Variants in NRBP1 observed in about 807,000 individuals in gnomAD.
NRBP1 encodes nuclear receptor binding protein 1, also known as nuclear receptor-binding protein.
NRBP1 carries 10 observed loss-of-function variants against 76.0 expected under a neutral mutation model. That is an observed-to-expected ratio of 0.13 (90% confidence interval 0.08 to 0.22). NRBP1 has a LOEUF of 0.22. Ranked by LOEUF, NRBP1 falls within the 10% of genes least tolerant of loss-of-function variation. The pLI, the probability that NRBP1 is intolerant of heterozygous loss-of-function variation, is 1.00. For synonymous variants in NRBP1, 235 were observed against 240.2 expected, an observed-to-expected ratio of 0.98 and a Z score of 0.20; for missense variants, 344 against 646.0, an observed-to-expected ratio of 0.53 and a Z score of 5.07.
In NRBP1 at chr2:27,434,578, A is replaced by G; in HGVS notation, c.525+18A>G. On this transcript the variant is annotated intron_variant, in intron 5 of 17. Coordinates refer to ENST00000379852, the MANE Select transcript of NRBP1 (RefSeq NM_013392.4). ...ATGAAAAGGTATAGAAGGAGAGCAGACAAAGTTTGAGGCTGGTTTTTGGGG... is the reference window on the plus strand; with the variant it reads ...ATGAAAAGGTATAGAAGGAGAGCAGGCAAAGTTTGAGGCTGGTTTTTGGGG... 1.2e-6 allele frequency: 2 copies of G among 1,610,768 alleles called. No individual in the cohort carries two copies. Among genetic ancestry groups the G allele is most frequent in the East Asian group, 2.2e-5 (1 of 44,850 alleles).
intron 2 of NRBP1, 66 bp from the exon 3 acceptor site, chr2:27,433,607 A>G (rs915657067): frequency 2.1e-5 from 33 of 1,608,738 alleles, no homozygotes; most frequent in African/African-American, 1.3e-5. Flanking sequence ...AGATGATCAT[A>G]TGGAGTGTTA....
Position 27,441,196 on chromosome 2 carries a change from A to C in NRBP1, c.1383+16A>C. The C allele has an allele frequency of 6.2e-7, 1 of 1,614,034 alleles. No homozygotes were observed. Among genetic ancestry groups the C allele is most frequent in the Non-Finnish European group, 8.5e-7 (1 of 1,179,948 alleles). On this transcript the variant is annotated intron_variant, in intron 15 of 17. Coordinates refer to ENST00000379852, the MANE Select transcript of NRBP1 (RefSeq NM_013392.4). ...CAAACACCACGTAAGGCTCAGGGCT[A>C]GGGTTGCGCAGGGCTAGTAGCCAGA...
intron 14 of NRBP1, 93 bp from the exon 15 acceptor site, chr2:27,441,034 C>T: frequency 2.5e-6 from 4 of 1,607,440 alleles, no homozygotes; most frequent in Non-Finnish European, 3.4e-6. Flanking sequence ...AGAAAATGCT[C>T]CCTAGCAGCC....
chr2:27,428,602 G>A, upstream of NRBP1: 1 of 397,690 alleles, frequency 2.5e-6, no homozygotes, highest in Non-Finnish European at 4.4e-6. Flanking sequence ...TCGTTGGTCC[G>A]GGCGCCGCGA....
chr2:27,436,990 C>T, intron 8 of NRBP1, 57 bp from the exon 9 acceptor site: 3 of 1,544,322 alleles, frequency 1.9e-6, no homozygotes, highest in Non-Finnish European at 1.8e-6. Flanking sequence ...TAAGGCATTC[C>T]TGCCAACCCT....
chr2:27,438,052 TGGTG>T (rs1454440509), intron 10 of NRBP1, among the ~76,000 whole-genome samples: 1 of 150,778 alleles, frequency 6.6e-6, no homozygotes, highest in Non-Finnish European at 1.5e-5. Flanking sequence ...CTGGGCATGG[TGGTG>T]TGTGCCTGTA....
At chr2:27,438,094 A>G (rs1234126418) in intron 10 of NRBP1, among the ~76,000 whole-genome samples, 1 of 147,206 alleles carries the variant, frequency 6.8e-6, no homozygotes, top group Non-Finnish European at 1.5e-5. Flanking sequence ...GGCTGAGGCA[A>G]GCTTGAACCC....
intron 3 of NRBP1, 23 bp from the exon 4 acceptor site, chr2:27,433,966 T>G: frequency 6.2e-7 from 1 of 1,606,504 alleles, no homozygotes; most frequent in Non-Finnish European, 8.5e-7. Context: ...ACTCTGTTAT[T>G]CCACTGTCTC....
chr2:27,440,701 A>AGGTGAGAGCAG lies in NRBP1; in HGVS notation c.1193_1193+10dup. ...ATTAGATAAATTCCTTGAAGATGTC[A>AGGTGAGAGCAG]GGTGAGAGCAGAGTGAGAAGCAGGC... On this transcript the variant is annotated stop_gained and frameshift_variant and splice_region_variant, in exon 13 of 18. Transcript: ENST00000379852. LOFTEE classifies it high-confidence loss of function. The AGGTGAGAGCAG allele has an allele frequency of 6.2e-7, 1 of 1,614,214 alleles. No homozygotes were observed. The highest frequency in any genetic ancestry group is 1.1e-5 in the South Asian group (1 of 91,090).
At chr2:27,440,534 G>A (rs1250722184) in intron 12 of NRBP1, 26 bp downstream of exon 12, 2 of 1,601,692 alleles carry the variant, frequency 1.2e-6, no homozygotes, top group African/African-American at 2.7e-5. Context: ...GGTCTGAAAG[G>A]GGCAGATTGG....
rs1664542610 is a variant in NRBP1, at chr2:27,441,252, T to G, written c.1384-15T>G. 2 of 1,613,992 alleles carry G rather than the reference T, an allele frequency of 1.2e-6. No individual in the cohort carries two copies. On this transcript the variant is annotated splice_polypyrimidine_tract_variant and intron_variant, in intron 15 of 17. Coordinates refer to ENST00000379852, the MANE Select transcript of NRBP1 (RefSeq NM_013392.4). ...GGGAAGAAAAGTCTCATTTTCTGACTGTCCTATTCTCCAGCTGACACTTCT... is the reference window on the plus strand; with the variant it reads ...GGGAAGAAAAGTCTCATTTTCTGACGGTCCTATTCTCCAGCTGACACTTCT...
upstream of NRBP1, chr2:27,428,068 A>G (rs141106963): frequency 6.6e-6 from 1 of 152,356 alleles, no homozygotes; most frequent in East Asian, 1.9e-4. Context: ...GATAATTTCA[A>G]TGAGTTCGTT....
intron 7 of NRBP1, 87 bp downstream of exon 7, chr2:27,435,314 G>A: frequency 8.9e-7 from 1 of 1,128,484 alleles, no homozygotes. Flanking sequence ...GGATAACAGA[G>A]CAAAATTCTG....
At position 27,436,724 on chromosome 2, in the gene NRBP1, C is replaced by G. The variant is rs573040072; in HGVS notation, c.662-29C>G. 8 of 1,585,674 alleles carry G rather than the reference C, an allele frequency of 5.0e-6. No individual in the cohort carries two copies. In the South Asian group the frequency reaches 8.8e-5, roughly 18 times the overall value. On this transcript the variant is annotated intron_variant, in intron 7 of 17. Coordinates refer to ENST00000379852, the MANE Select transcript of NRBP1 (RefSeq NM_013392.4). ...GAGACTATTCTTCATTGATGATGGT[C>G]AGATTGTGGGTGTCTCCCCTACTCC...
chr2:27,441,718 G>C lies in NRBP1; in HGVS notation c.1514G>C (p.Ser505Thr). The part of the protein sequence containing the change: ...QLGFISEADQ[S>T]RLTSLLEETL... ...GCTCTTCTCCCCCAGGCTGACCAGA[G>C]CCGGTTGACTTCTCTGCTAGAAGAG... Residue 505 changes from serine to threonine, a missense_variant, in exon 18 of 18, where the codon AGC (serine) becomes ACC (threonine). Transcript: ENST00000379852. The C allele has an allele frequency of 1.2e-6, 2 of 1,613,942 alleles. No individual in the cohort carries two copies. Among genetic ancestry groups the C allele is most frequent in the Non-Finnish European group, 1.7e-6 (2 of 1,179,886 alleles).
At chr2:27,434,680 A>G (rs1664239121) in intron 5 of NRBP1, 42 bp from the exon 6 acceptor site, 1 of 1,612,718 alleles carries the variant, frequency 6.2e-7, no homozygotes, top group Non-Finnish European at 8.5e-7. Flanking sequence ...GAGAGTTAAG[A>G]GAGGGAATTA....
intron 1 of NRBP1, among the ~76,000 whole-genome samples, chr2:27,429,791 G>GTGCC (rs1259938529): frequency 3.9e-5 from 6 of 152,164 alleles, no homozygotes; most frequent in African/African-American, 1.2e-4. Context: ...GTCTCCTGTG[G>GTGCC]TGCCCTACTG....
intron 10 of NRBP1, among the ~76,000 whole-genome samples, 175 bp from the exon 11 acceptor site, chr2:27,439,591 A>G (rs749586905): frequency 3.3e-5 from 5 of 151,406 alleles, no homozygotes; most frequent in Admixed American, 2.6e-4. Flanking sequence ...CTTTCATATA[A>G]TATCTTACAG....
intron 4 of NRBP1, 35 bp from the exon 5 acceptor site, chr2:27,434,436 T>C (rs1324356702): frequency 7.2e-7 from 1 of 1,380,782 alleles, no homozygotes; most frequent in Non-Finnish European, 1.0e-6. Flanking sequence ...TCATTTCTAC[T>C]ATAAGGCCTT....
Sources: gnomAD v4.1 joint callset for allele counts (sites outside exome capture counted in the v4.1 genomes callset) on GRCh38, gnomAD v4.1.1 for gene constraint, MANE v1.5 for transcripts, NCBI Gene and HGNC (gene_info 2026-07-23, HGNC 2026-07-21) for gene names.